The following P2RY8 variants were observed in gnomAD, a reference collection of about 807,000 sequenced individuals.
P2RY8 encodes the protein S-geranylgeranyl-glutathione receptor P2RY8.
Under a neutral mutation model 10.0 loss-of-function variants are expected in P2RY8, and 6 were observed. The observed-to-expected ratio is 0.60, with a 90% confidence interval of 0.33 to 1.19. The LOEUF is 1.19. Among genes scored for constraint, P2RY8 ranks in the 50% most tolerant of loss-of-function variants. P2RY8 has a pLI of 0.04. For synonymous variants in P2RY8, 276 were observed against 252.5 expected (o/e 1.09, Z -0.88); for missense variants, 456 against 542.0 (o/e 0.84, Z 1.58).
At chrX:1,500,715 T>G (rs2092170229) in intron 1 of P2RY8, among the ~76,000 whole-genome samples, 1 of 152,090 alleles carries the variant, frequency 6.6e-6, no homozygotes, top group Admixed American at 6.6e-5. Flanking sequence ...CCCAAAGTCT[T>G]GGGATTACAG....
chrX:1,524,593 C>T (rs866567283), intron 1 of P2RY8, among the ~76,000 whole-genome samples: 79 of 102,810 alleles, frequency 7.7e-4, no homozygotes, highest in East Asian at 2.6e-3. Flanking sequence ...ATCCATCCAT[C>T]CATTCATCCA....
At position 1,516,155 on chromosome X, in the gene P2RY8, C is replaced by T. The variant is rs535722821; in HGVS notation, c.-25+20766G>A. On this transcript the variant is annotated intron_variant, in intron 1 of 1. Transcript: ENST00000381297. ...GAGGTTGCAGTGAGCGGAGGTTGCACCACTGCACTCCAGCCTGGGCAAAAA... is the reference window on the plus strand; with the variant it reads ...GAGGTTGCAGTGAGCGGAGGTTGCATCACTGCACTCCAGCCTGGGCAAAAA... Among the ~76,000 whole-genome samples, 276 of 151,630 alleles carry T rather than the reference C, an allele frequency of 1.8e-3. 4 individuals carry two copies. The South Asian group carries it at 0.024, about 13-fold the overall frequency.
At chrX:1,524,605 C>T (rs2092421875) in intron 1 of P2RY8, among the ~76,000 whole-genome samples, 3 of 123,630 alleles carry the variant, frequency 2.4e-5, no homozygotes, top group East Asian at 3.9e-4. Flanking sequence ...ATTCATCCAT[C>T]TATCCATCCA....
In P2RY8 at chrX:1,505,987, C is replaced by CTT. The variant is rs542485545; in HGVS notation, c.-25+30932_-25+30933dup. ...AACAAAGCATCTTAATTTCTTTCTT[C>CTT]TTTTTTTTTTTTTTTTTTTTTTTGA... On this transcript the variant is annotated intron_variant, in intron 1 of 1. Coordinates refer to ENST00000381297, the MANE Select transcript of P2RY8 (RefSeq NM_178129.5). Among the ~76,000 whole-genome samples, 316 of 108,808 alleles carry CTT rather than the reference C, an allele frequency of 2.9e-3. 5 individuals carry two copies. The highest frequency in any genetic ancestry group is 1.0e-2 in the African/African-American group (276 of 27,708). 71.4% of individuals were successfully genotyped at this position (108,808 alleles called of 152,430 possible).
At chrX:1,498,845 ATT>A (rs2092146254) in intron 1 of P2RY8, among the ~76,000 whole-genome samples, 2 of 133,292 alleles carry the variant, frequency 1.5e-5, no homozygotes, top group Admixed American at 1.5e-4. Context: ...GCCCTCTGTT[ATT>A]TTTTGAGATG....
At chrX:1,521,430 C>G (rs183923665) in intron 1 of P2RY8, among the ~76,000 whole-genome samples, 1 of 152,256 alleles carries the variant, frequency 6.6e-6, no homozygotes, top group Admixed American at 6.5e-5. Flanking sequence ...TCACCCCTCT[C>G]TTATGGTCCA....
intron 1 of P2RY8, among the ~76,000 whole-genome samples, chrX:1,482,842 G>T (rs1472076790): frequency 6.7e-6 from 1 of 150,094 alleles, no homozygotes; most frequent in Non-Finnish European, 1.5e-5. Context: ...CTATCGCAAG[G>T]ACAAAAAACC....
chrX:1,521,578 G>A (rs558901818), intron 1 of P2RY8, among the ~76,000 whole-genome samples: 33 of 152,244 alleles, frequency 2.2e-4, no homozygotes, highest in African/African-American at 7.5e-4. Flanking sequence ...GTCACAGGCC[G>A]GAGGACACTC....
At chrX:1,521,978 G>A (rs2092396100) in intron 1 of P2RY8, among the ~76,000 whole-genome samples, 1 of 49,026 alleles carries the variant, frequency 2.0e-5, no homozygotes, top group African/African-American at 7.8e-5. Context: ...TTGAGATGGA[G>A]TTTTGCTCTT....
intron 1 of P2RY8, among the ~76,000 whole-genome samples, chrX:1,500,260 A>G (rs775898161): frequency 6.6e-6 from 1 of 151,066 alleles, no homozygotes; most frequent in East Asian, 2.0e-4. Flanking sequence ...TGTTAATGTA[A>G]TTGTTTTCTT....
At chrX:1,468,606 G>A (rs1233145729) in intron 1 of P2RY8, among the ~76,000 whole-genome samples, 4 of 152,026 alleles carry the variant, frequency 2.6e-5, no homozygotes, top group Non-Finnish European at 4.4e-5. Context: ...TCAGCACAAC[G>A]GTTGTTCTTG....
At chrX:1,488,734 GT>G (rs2092010892) in intron 1 of P2RY8, among the ~76,000 whole-genome samples, 1 of 22,510 alleles carries the variant, frequency 4.4e-5, no homozygotes, top group African/African-American at 6.5e-4. Flanking sequence ...TAAATGCAGG[GT>G]GTGTGTGTGT....
At chrX:1,499,126 C>A (rs1483813848) in intron 1 of P2RY8, among the ~76,000 whole-genome samples, 1 of 151,444 alleles carries the variant, frequency 6.6e-6, no homozygotes, top group African/African-American at 2.4e-5. Flanking sequence ...AGCCCCTGCA[C>A]CCAACCCTCT....
At chrX:1,488,923 C>A (rs1189990937) in intron 1 of P2RY8, among the ~76,000 whole-genome samples, 1 of 151,122 alleles carries the variant, frequency 6.6e-6, no homozygotes, top group Non-Finnish European at 1.5e-5. Flanking sequence ...AGGGTTCACT[C>A]CCACAAATGT....
At chrX:1,479,780 A>T (rs2149383598) in intron 1 of P2RY8, among the ~76,000 whole-genome samples, 1 of 152,296 alleles carries the variant, frequency 6.6e-6, no homozygotes, top group South Asian at 2.1e-4. Context: ...ATGAGGACAC[A>T]AGTTACTAAT....
intron 1 of P2RY8, among the ~76,000 whole-genome samples, chrX:1,488,511 GCA>G (rs1430463147): frequency 2.0e-5 from 3 of 152,228 alleles, no homozygotes; most frequent in Non-Finnish European, 4.4e-5. Flanking sequence ...TCTGCACCCA[GCA>G]CAGTCTTGAG....
At chrX:1,494,454 G>C (rs2092097532) in intron 1 of P2RY8, 1 of 151,972 alleles carries the variant, frequency 6.6e-6, no homozygotes, top group Non-Finnish European at 1.5e-5. Flanking sequence ...TTTGGCCCTG[G>C]GCCCCAGGGA....
intron 1 of P2RY8, among the ~76,000 whole-genome samples, chrX:1,522,142 C>G (rs1204756482): frequency 1.3e-5 from 2 of 150,386 alleles, no homozygotes; most frequent in African/African-American, 4.9e-5. Context: ...TTAGTAGAGA[C>G]GGGGGTTTCA....
intron 1 of P2RY8, among the ~76,000 whole-genome samples, chrX:1,491,269 TAG>T (rs2092046321): frequency 6.6e-6 from 1 of 151,498 alleles, no homozygotes; most frequent in African/African-American, 2.4e-5. Flanking sequence ...TCTGCAAATG[TAG>T]AGAGAATGAA....
Sources: allele counts gnomAD v4.1 joint callset (sites outside exome capture counted in the v4.1 genomes callset), GRCh38; gene constraint gnomAD v4.1.1; transcripts MANE v1.5; gene names NCBI Gene and HGNC (gene_info 2026-07-23, HGNC 2026-07-21).